FMN2: variants seen among roughly 807,000 people sequenced by gnomAD.
FMN2 encodes formin 2, also known as formin-2.
Under a neutral mutation model 142.3 loss-of-function variants are expected in FMN2, and 51 were observed. The ratio of observed to expected loss-of-function variants is 0.36; its 90% CI spans 0.29 to 0.45. FMN2 has a LOEUF of 0.45. Among genes scored for constraint, FMN2 ranks in the 20% least tolerant of loss-of-function variants. The pLI is 1.00. For missense variants in FMN2, 1,936 were observed against 2,122.8 expected, an observed-to-expected ratio of 0.91 and a Z score of 1.73; for synonymous variants, 882 against 869.8, an observed-to-expected ratio of 1.01 and a Z score of -0.25.
At chr1:240,352,195 C>T (rs35280190) in intron 13 of FMN2, among the ~76,000 whole-genome samples, 1 of 151,922 alleles carries the variant, frequency 6.6e-6, no homozygotes, top group Non-Finnish European at 1.5e-5. Flanking sequence ...AAGACAAGCT[C>T]GCTGAGGACA....
chr1:240,295,202 A>G (rs936258088), intron 8 of FMN2, among the ~76,000 whole-genome samples: 7 of 106,540 alleles, frequency 6.6e-5, no homozygotes, highest in African/African-American at 1.6e-4. Context: ...ACACACACAC[A>G]CACACACACA....
intron 7 of FMN2, among the ~76,000 whole-genome samples, chr1:240,291,286 TA>T (rs1178481573): frequency 3.5e-5 from 5 of 142,408 alleles, no homozygotes; most frequent in Admixed American, 3.0e-4. Flanking sequence ...CCCACTCACA[TA>T]AAAACAGAAC....
At chr1:240,128,030 C>A (rs1375984648) in intron 2 of FMN2, among the ~76,000 whole-genome samples, 1 of 152,104 alleles carries the variant, frequency 6.6e-6, no homozygotes, top group Non-Finnish European at 1.5e-5. Flanking sequence ...TTTGAAGCAG[C>A]TGGGTAGATG....
At chr1:240,157,567 A>G (rs201748091) in intron 2 of FMN2, among the ~76,000 whole-genome samples, 1 of 130,134 alleles carries the variant, frequency 7.7e-6, no homozygotes. Context: ...GAAGGGAAAT[A>G]AAGGAAGGAA....
chr1:240,110,820 T>A (rs12138539), intron 1 of FMN2, among the ~76,000 whole-genome samples: 85,520 of 151,512 alleles, frequency 0.56, 24,376 homozygotes, highest in Non-Finnish European at 0.61. Context: ...CCCTTTTTTT[T>A]AAAAAAAATT....
rs1662355187 is a variant in FMN2, at chr1:240,123,227, C to T, written c.1664C>T (p.Pro555Leu). The part of the protein sequence containing the change: ...KLFSQQENGP[P>L]EEAEKFCSRI... ...TTCAGCCAGCAGGAGAACGGGCCTC[C>T]AGAAGAAGCAGAGAAGTTTTGCTCC... The change falls in exon 2 of 18, where the codon CCA (proline) becomes CTA (leucine). Residue 555 changes from proline (P) to leucine (L), a missense_variant. Pro to Leu is a moderately conservative substitution (Grantham distance 98, BLOSUM62 -3). Transcript: ENST00000319653. The T allele has an allele frequency of 6.2e-7, 1 of 1,614,020 alleles. No individual in the cohort carries two copies. Among genetic ancestry groups the T allele is most frequent in the African/African-American group, 1.3e-5 (1 of 74,910 alleles).
At chr1:240,204,632 C>T (rs1257433462) in intron 4 of FMN2, among the ~76,000 whole-genome samples, 2 of 152,106 alleles carry the variant, frequency 1.3e-5, no homozygotes, top group African/African-American at 2.4e-5. Flanking sequence ...ATGCCTGTAG[C>T]CCCAGCTACG....
chr1:240,146,268 C>A (rs1480430531), intron 2 of FMN2, among the ~76,000 whole-genome samples: 1 of 150,348 alleles, frequency 6.7e-6, no homozygotes, highest in Non-Finnish European at 1.5e-5. Flanking sequence ...GTGGTATGTG[C>A]CTATAGTCCC....
chr1:240,340,752 A>G (rs1671717728), intron 13 of FMN2, among the ~76,000 whole-genome samples: 1 of 152,002 alleles, frequency 6.6e-6, no homozygotes, highest in African/African-American at 2.4e-5. Context: ...ATCTCTGATG[A>G]CTTGTATAAT....
intron 15 of FMN2, among the ~76,000 whole-genome samples, chr1:240,398,674 G>T (rs1276009570): frequency 6.6e-6 from 1 of 152,148 alleles, no homozygotes; most frequent in African/African-American, 2.4e-5. Context: ...GTAATTCTGT[G>T]CAGGAAAGCA....
chr1:240,398,051 AG>A (rs1479505302), intron 15 of FMN2, among the ~76,000 whole-genome samples: 1 of 150,904 alleles, frequency 6.6e-6, no homozygotes, highest in Non-Finnish European at 1.5e-5. Context: ...ACTGGAGGAC[AG>A]TGGCACCATC....
chr1:240,177,760 G>C (rs1302357906), intron 2 of FMN2, 161 bp from the exon 3 acceptor site: 1 of 507,226 alleles, frequency 2.0e-6, no homozygotes. Flanking sequence ...GTGTATCTTA[G>C]GAATCTACAC....
intron 7 of FMN2, among the ~76,000 whole-genome samples, chr1:240,273,212 C>G (rs1669080737): frequency 6.6e-6 from 1 of 152,136 alleles, no homozygotes; most frequent in African/African-American, 2.4e-5. Flanking sequence ...CCGATTAATG[C>G]TATTTTTATG....
chr1:240,337,203 CTTTTTTT>C (rs752506621), intron 13 of FMN2, among the ~76,000 whole-genome samples: 7 of 90,562 alleles, frequency 7.7e-5, no homozygotes, highest in East Asian at 3.5e-4. Flanking sequence ...TATTCCTTTT[CTTTTTTT>C]TTTTTTTTTT....
At chr1:240,336,553 CAAAAAAAAAAAAAAAAAA>C (rs552135436) in intron 13 of FMN2, among the ~76,000 whole-genome samples, 6 of 50,522 alleles carry the variant, frequency 1.2e-4, no homozygotes, top group Non-Finnish European at 1.4e-4. Context: ...TGGTATTCTC[CAAAAAAAAAAAAAAAAAA>C]AAAAAAAAAA....
intron 16 of FMN2, among the ~76,000 whole-genome samples, chr1:240,441,225 C>T (rs1405924925): frequency 6.6e-6 from 1 of 152,042 alleles, no homozygotes; most frequent in Non-Finnish European, 1.5e-5. Context: ...CATCTCTTGA[C>T]CTCATGATCC....
intron 6 of FMN2, among the ~76,000 whole-genome samples, chr1:240,250,914 T>G (rs1345748960): frequency 6.6e-6 from 1 of 152,126 alleles, no homozygotes. Context: ...TTTATATTTC[T>G]GTGGTATCAG....
At chr1:240,357,085 A>G (rs914166712) in intron 14 of FMN2, among the ~76,000 whole-genome samples, 1 of 152,186 alleles carries the variant, frequency 6.6e-6, no homozygotes, top group Non-Finnish European at 1.5e-5. Flanking sequence ...AAAGTGAATC[A>G]TGCTTTTTCC....
chr1:240,393,316 T>C (rs562560982), intron 15 of FMN2, among the ~76,000 whole-genome samples: 12 of 152,322 alleles, frequency 7.9e-5, no homozygotes, highest in African/African-American at 2.9e-4. Context: ...ATTTTATTTT[T>C]ATTATCTATC....
Sources: allele counts gnomAD v4.1 joint callset (sites outside exome capture counted in the v4.1 genomes callset), GRCh38; gene constraint gnomAD v4.1.1; transcripts MANE v1.5; gene names NCBI Gene and HGNC (gene_info 2026-07-23, HGNC 2026-07-21).